The following LGR6 variants were observed in gnomAD, a reference collection of about 807,000 sequenced individuals.
The protein encoded by LGR6 is leucine-rich repeat-containing G protein-coupled receptor 6.
In LGR6, 45 loss-of-function variants were observed where a neutral mutation model predicts 69.4. The ratio of observed to expected loss-of-function variants is 0.65; its 90% CI spans 0.51 to 0.83. The LOEUF is 0.83. Ranked by LOEUF, LGR6 falls within the 40% of genes least tolerant of loss-of-function variation. The probability of loss-of-function intolerance (pLI) is 0.00; values close to 1 mark genes in which losing one functional copy is unlikely to be tolerated. For missense variants in LGR6, 1,108 were observed against 1,246.7 expected (o/e 0.89, Z 1.68); for synonymous variants, 538 against 555.0 (o/e 0.97, Z 0.43).
At chr1:202,231,399 C>T (rs1661056980) in intron 3 of LGR6, among the ~76,000 whole-genome samples, 1 of 152,188 alleles carries the variant, frequency 6.6e-6, no homozygotes, top group Admixed American at 6.5e-5. Flanking sequence ...AGAAGGCTGC[C>T]CTCTCTGAGT....
chr1:202,271,489 G>A (rs573845802), intron 4 of LGR6, among the ~76,000 whole-genome samples: 60 of 152,220 alleles, frequency 3.9e-4, no homozygotes, highest in African/African-American at 1.4e-3. Flanking sequence ...GTTCCTGGGG[G>A]CAGGGAGCAG....
intron 1 of LGR6, among the ~76,000 whole-genome samples, chr1:202,219,664 G>A (rs534484558): frequency 6.6e-6 from 1 of 152,272 alleles, no homozygotes; most frequent in East Asian, 1.9e-4. Flanking sequence ...GTGTATGAGA[G>A]TAATGCACTC....
intron 4 of LGR6, among the ~76,000 whole-genome samples, chr1:202,275,245 C>A (rs1462311472): frequency 6.6e-6 from 1 of 152,134 alleles, no homozygotes; most frequent in Non-Finnish European, 1.5e-5. Context: ...CTAAGCCTCG[C>A]TTCAAGATAG....
At chr1:202,209,556 C>T (rs1300888388) in intron 1 of LGR6, among the ~76,000 whole-genome samples, 1 of 152,240 alleles carries the variant, frequency 6.6e-6, no homozygotes. Context: ...GGCCAGACAC[C>T]TTTGTCTAGA....
At chr1:202,279,754 A>G (rs1665860731) in intron 5 of LGR6, among the ~76,000 whole-genome samples, 1 of 152,166 alleles carries the variant, frequency 6.6e-6, no homozygotes, top group African/African-American at 2.4e-5. Context: ...TGTCTCATTC[A>G]ACCATAGTCA....
intron 1 of LGR6, among the ~76,000 whole-genome samples, chr1:202,196,332 G>T (rs1171335827): frequency 1.3e-5 from 2 of 152,146 alleles, no homozygotes; most frequent in Non-Finnish European, 2.9e-5. Flanking sequence ...CTACCAGAAA[G>T]GCACCTGAAG....
At position 202,304,580 on chromosome 1, in the gene LGR6, C is replaced by A. The variant is rs753887359; in HGVS notation, c.1020C>A (p.Ile340=). The A allele has an allele frequency of 2.4e-5, 38 of 1,610,360 alleles. No homozygotes were observed. The South Asian group carries it at 4.0e-4, about 17-fold the overall frequency. ...GCAGGACCCTGACCCGCGCAGGCAT[C>A]CGGCTGCTCCCATCGGGGATGTGCC... The part of the protein sequence containing the change: ...LEILTLTRAG[I]RLLPSGMCQQ... Residue 340 remains isoleucine (I), a synonymous_variant, in exon 11 of 18, where the codon ATC becomes ATA. Transcript: ENST00000367278.
Position 202,216,500 on chromosome 1 carries a change from C to G in LGR6, c.213-8923C>G, listed in dbSNP as rs1159893468. ...CCACTATCTTTATGTGGCTATTGAG[C>G]CTTGAAATGTGGCTAGTGCAGCTAA... is the stretch of plus-strand genomic sequence containing the variant. On this transcript the variant is annotated intron_variant, in intron 1 of 17. Transcript: ENST00000367278. Among the ~76,000 whole-genome samples the G allele has an allele frequency of 3.3e-5, 5 of 152,262 alleles. No individual in the cohort carries two copies. In the East Asian group the frequency reaches 9.6e-4, roughly 29 times the overall value.
intron 1 of LGR6, among the ~76,000 whole-genome samples, chr1:202,208,705 G>A (rs1434886710): frequency 6.6e-6 from 1 of 152,064 alleles, no homozygotes; most frequent in Non-Finnish European, 1.5e-5. Flanking sequence ...AGCCCAGGGT[G>A]CCACCTCCCC....
At position 202,318,221 on chromosome 1, in the gene LGR6, C is replaced by A; in HGVS notation, c.1918C>A (p.Leu640Ile). The change falls in exon 18 of 18, where the codon CTA (leucine) becomes ATA (isoleucine). Residue 640 changes from leucine (L) to isoleucine (I), a missense_variant. Coordinates refer to ENST00000367278, the MANE Select transcript of LGR6 (RefSeq NM_001017403.2). ...GTACGGAGCCCGCTGGGAGACGGGG[C>A]TAGGCTGCCGGGCCACTGGCTTCCT... is the stretch of plus-strand genomic sequence containing the variant. ...SEYGARWETG[L>I]GCRATGFLAV... The A allele has an allele frequency of 6.2e-7, 1 of 1,612,198 alleles. No homozygotes were observed.
At chr1:202,205,095 CGT>C (rs796683751) in intron 1 of LGR6, among the ~76,000 whole-genome samples, 20 of 9,284 alleles carry the variant, frequency 2.2e-3, no homozygotes, top group South Asian at 6.7e-3. Context: ...CACACACACA[CGT>C]ACCTCCAAAC....
chr1:202,308,688 G>A (rs1374066489), intron 14 of LGR6, among the ~76,000 whole-genome samples: 2 of 152,206 alleles, frequency 1.3e-5, no homozygotes, highest in African/African-American at 4.8e-5. Context: ...CCCCAAGCGG[G>A]TGGGCAGGGC....
intron 6 of LGR6, 166 bp downstream of exon 6, chr1:202,281,018 A>G (rs1160327199): frequency 1.7e-6 from 1 of 598,922 alleles, no homozygotes; most frequent in Non-Finnish European, 2.9e-6. Context: ...TCTCTGGAAT[A>G]TCACTGAGAA....
intron 1 of LGR6, among the ~76,000 whole-genome samples, chr1:202,201,202 G>C (rs78110621): frequency 0.014 from 2,097 of 152,212 alleles, 17 homozygotes; most frequent in Middle Eastern, 0.024. Flanking sequence ...ATACCTTCCT[G>C]GTTGATATTT....
chr1:202,251,497 G>A (rs1053255402), intron 4 of LGR6, among the ~76,000 whole-genome samples: 7 of 152,180 alleles, frequency 4.6e-5, no homozygotes, highest in Non-Finnish European at 8.8e-5. Context: ...CCAGGTTGGG[G>A]TATGGGGGGC....
chr1:202,267,334 A>G (rs922738963), intron 4 of LGR6, among the ~76,000 whole-genome samples: 2 of 152,098 alleles, frequency 1.3e-5, no homozygotes, highest in Non-Finnish European at 2.9e-5. Context: ...GTCCAGTCAT[A>G]TGGATTCTGG....
At chr1:202,247,161 C>G (rs906176891) in intron 4 of LGR6, among the ~76,000 whole-genome samples, 5 of 152,200 alleles carry the variant, frequency 3.3e-5, no homozygotes, top group Non-Finnish European at 5.9e-5. Context: ...AAAAATCTTC[C>G]CAGGTGATTC....
intron 3 of LGR6, among the ~76,000 whole-genome samples, chr1:202,235,288 C>T (rs1218698929): frequency 6.6e-6 from 1 of 152,208 alleles, no homozygotes; most frequent in Non-Finnish European, 1.5e-5. Context: ...GGACTTAGGT[C>T]CTGGTCCCCA....
chr1:202,240,928 C>T (rs1045266392), intron 4 of LGR6, among the ~76,000 whole-genome samples: 5 of 152,166 alleles, frequency 3.3e-5, no homozygotes, highest in Non-Finnish European at 7.3e-5. Context: ...AGATGTTCTA[C>T]GTATATTGTC....
Sources: gnomAD v4.1 joint callset for allele counts (sites outside exome capture counted in the v4.1 genomes callset) on GRCh38, gnomAD v4.1.1 for gene constraint, MANE v1.5 for transcripts, NCBI Gene and HGNC (gene_info 2026-07-23, HGNC 2026-07-21) for gene names.